Variants in SH3RF2 observed in about 807,000 individuals in gnomAD.
SH3RF2 encodes SH3 domain containing ring finger 2.
Under a neutral mutation model 59.0 loss-of-function variants are expected in SH3RF2, and 43 were observed. That is an observed-to-expected ratio of 0.73 (90% CI 0.57 to 0.94). The LOEUF is 0.94. SH3RF2 is among the 40% of genes least tolerant of loss of function. The probability of loss-of-function intolerance (pLI) is 0.00; values close to 1 mark genes in which losing one functional copy is unlikely to be tolerated. For missense variants in SH3RF2, 930 were observed against 940.1 expected, an observed-to-expected ratio of 0.99 and a Z score of 0.14; for synonymous variants, 391 against 391.5, an observed-to-expected ratio of 1.00 and a Z score of 0.01.
At chr5:146,016,755 T>C (rs1761121399) in intron 5 of SH3RF2, among the ~76,000 whole-genome samples, 1 of 152,170 alleles carries the variant, frequency 6.6e-6, no homozygotes, top group Non-Finnish European at 1.5e-5. Context: ...CAGCCTCCCT[T>C]TTCTTGGTTG....
intron 2 of SH3RF2, among the ~76,000 whole-genome samples, chr5:145,981,754 C>A (rs1759514368): frequency 6.6e-6 from 1 of 152,188 alleles, no homozygotes; most frequent in Non-Finnish European, 1.5e-5. Flanking sequence ...ATTTGAAATT[C>A]AGTTCCTCAG....
chr5:145,960,591 T>C (rs1758594463), intron 2 of SH3RF2, among the ~76,000 whole-genome samples: 1 of 152,216 alleles, frequency 6.6e-6, no homozygotes, highest in South Asian at 2.1e-4. Flanking sequence ...GCCCCCTGGT[T>C]TCCTAGTGTC....
intron 8 of SH3RF2, among the ~76,000 whole-genome samples, chr5:146,059,352 A>C (rs1762797287): frequency 1.3e-5 from 2 of 151,842 alleles, no homozygotes; most frequent in South Asian, 4.2e-4. Flanking sequence ...GCTTCTGTCA[A>C]GATTTTCACA....
Position 146,047,154 on chromosome 5 carries a change from C to CGTGTGTGTGTGTGT in SH3RF2, c.1060-607_1060-594dup, listed in dbSNP as rs35750777. ...CAACTACTATAAGTCATTGGATAGG[C>CGTGTGTGTGTGTGT]GTGTGTGTGTGTGTGTGTGTGTGTT... is the stretch of plus-strand genomic sequence containing the variant. On this transcript the variant is annotated intron_variant, in intron 5 of 9. Coordinates refer to ENST00000359120, the MANE Select transcript of SH3RF2 (RefSeq NM_152550.4). Among the ~76,000 whole-genome samples the CGTGTGTGTGTGTGT allele has an allele frequency of 8.3e-3, 1,232 of 148,070 alleles. 8 individuals carry two copies. The highest frequency in any genetic ancestry group is 0.01 in the Middle Eastern group (3 of 286).
chr5:145,950,636 G>A (rs750967086), intron 2 of SH3RF2, among the ~76,000 whole-genome samples: 6 of 152,008 alleles, frequency 3.9e-5, no homozygotes, highest in South Asian at 2.1e-4. Context: ...AATAAAAACC[G>A]GAGAAGAAGG....
intron 2 of SH3RF2, among the ~76,000 whole-genome samples, chr5:145,964,312 C>CTTT (rs750453314): frequency 1.8e-5 from 2 of 111,190 alleles, no homozygotes; most frequent in African/African-American, 7.3e-5. Context: ...TCCTTTCTTT[C>CTTT]TTTTTTTTTT....
intron 5 of SH3RF2, among the ~76,000 whole-genome samples, chr5:146,034,222 G>T (rs1174209004): frequency 2.0e-5 from 3 of 152,290 alleles, no homozygotes; most frequent in Admixed American, 6.5e-5. Context: ...CCCATCAAAT[G>T]CAGTGCTCTG....
intron 7 of SH3RF2, among the ~76,000 whole-genome samples, chr5:146,052,297 C>T (rs1381033079): frequency 6.6e-6 from 1 of 152,000 alleles, no homozygotes; most frequent in African/African-American, 2.4e-5. Context: ...GAATTTCATC[C>T]CAGTGTATTT....
intron 2 of SH3RF2, among the ~76,000 whole-genome samples, chr5:145,942,866 C>T (rs1181338047): frequency 6.6e-6 from 1 of 152,162 alleles, no homozygotes; most frequent in East Asian, 1.9e-4. Flanking sequence ...TTATTGCTTA[C>T]TGTAGCATTT....
At chr5:145,988,689 C>T (rs1759810868) in intron 2 of SH3RF2, among the ~76,000 whole-genome samples, 1 of 152,124 alleles carries the variant, frequency 6.6e-6, no homozygotes, top group Non-Finnish European at 1.5e-5. Context: ...TAAAACTGGT[C>T]TCAAATCTGA....
At chr5:146,034,867 G>C (rs1046270559) in intron 5 of SH3RF2, among the ~76,000 whole-genome samples, 1 of 152,170 alleles carries the variant, frequency 6.6e-6, no homozygotes, top group South Asian at 2.1e-4. Context: ...AGAACTTTGG[G>C]AGGCCAAGGC....
chr5:145,968,349 G>T (rs563695370), intron 2 of SH3RF2, among the ~76,000 whole-genome samples: 3 of 152,276 alleles, frequency 2.0e-5, no homozygotes, highest in African/African-American at 7.2e-5. Flanking sequence ...CTCTACGGCA[G>T]AATATTATAG....
At chr5:146,066,619 C>G (rs1397229687), downstream of SH3RF2, among the ~76,000 whole-genome samples, 1 of 152,110 alleles carries the variant, frequency 6.6e-6, no homozygotes, top group Non-Finnish European at 1.5e-5. Flanking sequence ...ACAGTCTAAG[C>G]TGAGTCCTGA....
At chr5:145,983,349 C>T (rs1472224766) in intron 2 of SH3RF2, among the ~76,000 whole-genome samples, 1 of 149,528 alleles carries the variant, frequency 6.7e-6, no homozygotes, top group East Asian at 2.0e-4. Flanking sequence ...AAGAGTAGAA[C>T]CCCCCAGGCA....
chr5:146,040,500 G>A lies in SH3RF2; in HGVS notation c.1060-7272G>A, dbSNP rs369479376. Among the ~76,000 whole-genome samples, 22 of 152,236 alleles carry A rather than the reference G, an allele frequency of 1.4e-4. No individual in the cohort carries two copies. In the East Asian group the frequency reaches 2.7e-3, roughly 19 times the overall value. On this transcript the variant is annotated intron_variant, in intron 5 of 9. Transcript: ENST00000359120. ...ACTGAAGTTGAGGGGGAAGGGAATGGAGAAAGGTGAGGCTGGAGAGCAAAA... is the reference window on the plus strand; with the variant it reads ...ACTGAAGTTGAGGGGGAAGGGAATGAAGAAAGGTGAGGCTGGAGAGCAAAA...
chr5:145,972,357 A>C (rs935999925), intron 2 of SH3RF2, among the ~76,000 whole-genome samples: 1 of 152,248 alleles, frequency 6.6e-6, no homozygotes, highest in Non-Finnish European at 1.5e-5. Flanking sequence ...TCTTCAGAAC[A>C]GATGGGTTTG....
chr5:146,021,211 A>G (rs568439775), intron 5 of SH3RF2, among the ~76,000 whole-genome samples: 1 of 151,978 alleles, frequency 6.6e-6, no homozygotes, highest in Non-Finnish European at 1.5e-5. Context: ...ACTTAGCACT[A>G]ATATATATAT....
intron 5 of SH3RF2, among the ~76,000 whole-genome samples, chr5:146,034,635 G>T (rs771936527): frequency 7.9e-5 from 12 of 152,224 alleles, no homozygotes; most frequent in Non-Finnish European, 1.0e-4. Flanking sequence ...ACCAACCAAG[G>T]TCTCAGCCTC....
chr5:145,996,996 A>G (rs1268807461), intron 2 of SH3RF2, among the ~76,000 whole-genome samples: 1 of 152,204 alleles, frequency 6.6e-6, no homozygotes, highest in East Asian at 1.9e-4. Flanking sequence ...TATTAATGTT[A>G]TGTAGGTGTC....
Sources: allele counts gnomAD v4.1 joint callset (sites outside exome capture counted in the v4.1 genomes callset), GRCh38; gene constraint gnomAD v4.1.1; transcripts MANE v1.5; gene names NCBI Gene and HGNC (gene_info 2026-07-23, HGNC 2026-07-21).